The following PHKA1 variants were observed in gnomAD, a reference collection of about 807,000 sequenced individuals.
PHKA1 encodes the protein phosphorylase b kinase regulatory subunit alpha, skeletal muscle isoform.
PHKA1 carries 60 observed loss-of-function variants against 110.2 expected under a neutral mutation model. The ratio of observed to expected loss-of-function variants is 0.54; its 90% CI spans 0.44 to 0.68. The LOEUF is 0.68. PHKA1 is among the 30% of genes least tolerant of loss of function. The pLI is 0.00. For synonymous variants in PHKA1, 316 were observed against 333.6 expected (o/e 0.95, Z 0.58); for missense variants, 801 against 942.5 (o/e 0.85, Z 1.97).
intron 4 of PHKA1, among the ~76,000 whole-genome samples, chrX:72,694,394 A>C (rs2054080169): frequency 8.9e-6 from 1 of 112,182 alleles, no homozygotes; most frequent in African/African-American, 3.2e-5. Flanking sequence ...ATGATGGCCT[A>C]AACTGCAAAC....
intron 6 of PHKA1, among the ~76,000 whole-genome samples, chrX:72,670,326 G>A (rs1478221476): frequency 2.7e-5 from 3 of 111,517 alleles, no homozygotes; most frequent in Non-Finnish European, 3.8e-5. Flanking sequence ...TCTATAGGTT[G>A]CCTGTTCACT....
intron 16 of PHKA1, among the ~76,000 whole-genome samples, chrX:72,628,263 G>A (rs1266784255): frequency 2.7e-5 from 3 of 110,599 alleles, no homozygotes; most frequent in African/African-American, 9.9e-5. Flanking sequence ...CTAAAAATCT[G>A]TATTTCTTTT....
intron 3 of PHKA1, among the ~76,000 whole-genome samples, chrX:72,704,451 C>A (rs1556331381): frequency 9.0e-6 from 1 of 111,265 alleles, no homozygotes; most frequent in African/African-American, 3.3e-5. Context: ...TGTATATATA[C>A]CATACACCAT....
chrX:72,618,650 T>C (rs2052932153), intron 21 of PHKA1, 60 bp downstream of exon 21: 2 of 979,574 alleles, frequency 2.0e-6, no homozygotes, highest in Admixed American at 4.5e-5. Context: ...GCTCTATTTA[T>C]TATGCTATAA....
intron 28 of PHKA1, among the ~76,000 whole-genome samples, chrX:72,596,820 G>A (rs2147666219): frequency 9.0e-6 from 1 of 111,623 alleles, no homozygotes; most frequent in African/African-American, 3.2e-5. Context: ...GAAGACTGAA[G>A]TTGGAGAGCT....
chrX:72,680,051 G>A (rs1279749444), intron 5 of PHKA1, among the ~76,000 whole-genome samples: 2 of 106,021 alleles, frequency 1.9e-5, no homozygotes, highest in African/African-American at 3.5e-5. Flanking sequence ...CACTCTTGTT[G>A]CCCAGGCTGG....
At chrX:72,599,085 T>C (rs1355238149) in intron 28 of PHKA1, among the ~76,000 whole-genome samples, 1 of 111,615 alleles carries the variant, frequency 9.0e-6, no homozygotes, top group East Asian at 2.8e-4. Flanking sequence ...ATATCAATCA[T>C]TTTGAGTTTT....
At chrX:72,658,595 C>G (rs1180068801) in intron 8 of PHKA1, among the ~76,000 whole-genome samples, 1 of 111,638 alleles carries the variant, frequency 9.0e-6, no homozygotes, top group African/African-American at 3.3e-5. Context: ...ATCATGTCTC[C>G]TTAGTGTCCT....
intron 29 of PHKA1, among the ~76,000 whole-genome samples, chrX:72,589,884 T>C (rs1484910858): frequency 9.0e-6 from 1 of 110,659 alleles, no homozygotes; most frequent in African/African-American, 3.3e-5. Context: ...GAAGGACCTC[T>C]TCAAGGAGAA....
At chrX:72,624,397 G>A (rs1430160573) in intron 17 of PHKA1, among the ~76,000 whole-genome samples, 1 of 110,976 alleles carries the variant, frequency 9.0e-6, no homozygotes, top group Non-Finnish European at 1.9e-5. Flanking sequence ...CTCCCTAAGG[G>A]ACAGCTAAAT....
chrX:72,706,972 C>T (rs1556332766), intron 2 of PHKA1, among the ~76,000 whole-genome samples: 2 of 111,477 alleles, frequency 1.8e-5, no homozygotes, highest in Admixed American at 9.5e-5. Flanking sequence ...GGTATCTGTA[C>T]TCTGTGTTCC....
chrX:72,621,684 G>T, intron 18 of PHKA1: 1 of 532,378 alleles, frequency 1.9e-6, no homozygotes, highest in Non-Finnish European at 2.3e-6. Flanking sequence ...GCTCTGATGT[G>T]ACTAATGCGA....
intron 14 of PHKA1, among the ~76,000 whole-genome samples, chrX:72,639,280 T>C (rs2053266883): frequency 8.9e-6 from 1 of 111,906 alleles, no homozygotes; most frequent in African/African-American, 3.3e-5. Context: ...ACGCCTGTAA[T>C]TCCAGCACTT....
intron 17 of PHKA1, among the ~76,000 whole-genome samples, chrX:72,626,504 A>G (rs1556282957): frequency 9.0e-6 from 1 of 111,026 alleles, no homozygotes; most frequent in Non-Finnish European, 1.9e-5. Context: ...CAATCTATCA[A>G]ACTCCTCTAA....
intron 14 of PHKA1, among the ~76,000 whole-genome samples, chrX:72,640,543 C>A (rs782398159): frequency 8.9e-6 from 1 of 112,080 alleles, no homozygotes; most frequent in Non-Finnish European, 1.9e-5. Context: ...TTAATGATAT[C>A]ATTTTTCTAA....
Position 72,705,222 on chromosome X carries a change from T to C in PHKA1, c.261A>G (p.Gly87=). The C allele has an allele frequency of 8.4e-7, 1 of 1,195,313 alleles. No individual in the cohort carries two copies. The highest frequency in any genetic ancestry group is 1.8e-5 in the South Asian group (1 of 56,543). The change falls in exon 3 of 32, where the codon GGA becomes GGG. Residue 87 remains glycine, a synonymous_variant. Transcript: ENST00000373542. ...LEQSVVKLMR[G]LLHCMIRQVD... is the part of the protein sequence containing the mutation. ...CCTGTCTGATCATGCAGTGCAGTAG[T>C]CCTCTCATCAGCTTCACTACACTCT...
At chrX:72,581,304 A>G (rs2052333951) in intron 31 of PHKA1, 129 bp from the exon 32 acceptor site, 1 of 496,917 alleles carries the variant, frequency 2.0e-6, no homozygotes, top group East Asian at 3.5e-5. Flanking sequence ...TAGACTGTTT[A>G]TCCAGGAAGA....
chrX:72,593,845 ATT>A (rs2052556430), intron 28 of PHKA1, among the ~76,000 whole-genome samples: 1 of 112,400 alleles, frequency 8.9e-6, no homozygotes, highest in South Asian at 3.7e-4. Context: ...GATTTGGGAC[ATT>A]CTTAGCTGTC....
At chrX:72,602,505 T>C (rs1424098119) in intron 26 of PHKA1, among the ~76,000 whole-genome samples, 1 of 111,736 alleles carries the variant, frequency 8.9e-6, no homozygotes, top group Non-Finnish European at 1.9e-5. Context: ...ATGTGCATTT[T>C]AGCAAGATAC....
Sources: allele counts gnomAD v4.1 joint callset (sites outside exome capture counted in the v4.1 genomes callset), GRCh38; gene constraint gnomAD v4.1.1; transcripts MANE v1.5; gene names NCBI Gene and HGNC (gene_info 2026-07-23, HGNC 2026-07-21).